Variants in HNF4G observed in about 807,000 individuals in gnomAD.
The protein encoded by HNF4G is hepatocyte nuclear factor 4-gamma.
In HNF4G, 21 loss-of-function variants were observed where a neutral mutation model predicts 50.9. That is an observed-to-expected ratio of 0.41 (90% CI 0.29 to 0.59). HNF4G has a LOEUF of 0.59. Ranked by LOEUF, HNF4G falls within the 20% of genes least tolerant of loss-of-function variation. The pLI is 0.26. For missense variants in HNF4G, 527 were observed against 559.4 expected, an observed-to-expected ratio of 0.94 and a Z score of 0.58; for synonymous variants, 198 against 185.6, an observed-to-expected ratio of 1.07 and a Z score of -0.54.
At chr8:75,504,289 CA>C (rs1160779545) in intron 2 of HNF4G, among the ~76,000 whole-genome samples, 3 of 145,358 alleles carry the variant, frequency 2.1e-5, no homozygotes, top group South Asian at 2.3e-4. Flanking sequence ...AAAACAACAA[CA>C]AAAAAAATCT....
chr8:75,563,979 T>G lies in HNF4G; in HGVS notation c.1251T>G (p.Thr417=). The change falls in exon 10 of 10, where the codon ACT becomes ACG. Residue 417 remains threonine (T), a synonymous_variant. Transcript: ENST00000396423. Reference sequence around the variant, plus strand: ...AATTCTCTGATTCTTTTTCAGCAACTCCTGAAACCCCACTCCCTTCCCCAC... The same window carrying G: ...AATTCTCTGATTCTTTTTCAGCAACGCCTGAAACCCCACTCCCTTCCCCAC... ...STLVHADQIS[T]PETPLPSPPQ... is the part of the protein sequence containing the mutation. 1 of 1,613,178 alleles carries G rather than the reference T, an allele frequency of 6.2e-7. No individual in the cohort carries two copies. The highest frequency in any genetic ancestry group is 8.5e-7 in the Non-Finnish European group (1 of 1,179,460).
At chr8:75,496,042 T>G (rs1361060266) in intron 2 of HNF4G, among the ~76,000 whole-genome samples, 1 of 152,130 alleles carries the variant, frequency 6.6e-6, no homozygotes, top group Admixed American at 6.5e-5. Context: ...ATCTAATAAT[T>G]GAATGACAAA....
intron 2 of HNF4G, among the ~76,000 whole-genome samples, chr8:75,504,338 C>A (rs890063509): frequency 2.6e-5 from 4 of 151,166 alleles, no homozygotes; most frequent in Middle Eastern, 3.4e-3. Flanking sequence ...ATATTTTTAC[C>A]TTTTATATTA....
intron 2 of HNF4G, among the ~76,000 whole-genome samples, chr8:75,494,299 AGCACACAC>A (rs1470465428): frequency 0.061 from 8,334 of 137,074 alleles, 339 homozygotes; most frequent in South Asian, 0.077. Flanking sequence ...TCTCCCATAC[AGCACACAC>A]ACACACACAC....
Position 75,558,524 on chromosome 8 carries a change from A to T in HNF4G, c.740A>T (p.Asn247Ile). ...TTTGTTTTCTCTCTCATAGGAAACA[A>T]CTATGTTATTCACCGCAACAGCTGT... ...MYKDILLLGNNYVIHRNSCEV... is the reference protein window; with the variant it reads ...MYKDILLLGNIYVIHRNSCEV... Residue 247 changes from asparagine to isoleucine, a missense_variant, in exon 7 of 10, where the codon AAC becomes ATC. Around this residue, in one of 5 missense-constraint regions of HNF4G, gnomAD observed 308 missense variants for 301.5 expected, o/e 1.02. Coordinates refer to ENST00000396423, the MANE Select transcript of HNF4G (RefSeq NM_004133.5). 6.2e-7 allele frequency: 1 copy of T among 1,609,606 alleles called. No individual in the cohort carries two copies. The highest frequency in any genetic ancestry group is 8.5e-7 in the Non-Finnish European group (1 of 1,178,796).
intron 2 of HNF4G, among the ~76,000 whole-genome samples, chr8:75,515,787 T>C (rs1805871898): frequency 6.6e-6 from 1 of 151,648 alleles, no homozygotes; most frequent in Non-Finnish European, 1.5e-5. Flanking sequence ...TTTTTTGAGA[T>C]GGAATTTCAT....
At chr8:75,411,574 C>A (rs78303525) in intron 1 of HNF4G, among the ~76,000 whole-genome samples, 1 of 152,114 alleles carries the variant, frequency 6.6e-6, no homozygotes, top group East Asian at 1.9e-4. Context: ...TCTGATGTTC[C>A]CCTGAAAACC....
chr8:75,449,545 C>G (rs1472566017), intron 1 of HNF4G, among the ~76,000 whole-genome samples: 5 of 129,474 alleles, frequency 3.9e-5, no homozygotes, highest in African/African-American at 6.1e-5. Flanking sequence ...CTCACTCTGT[C>G]GCCCAGGCTG....
intron 1 of HNF4G, among the ~76,000 whole-genome samples, chr8:75,464,736 G>T (rs555884692): frequency 6.6e-6 from 1 of 152,282 alleles, no homozygotes; most frequent in Non-Finnish European, 1.5e-5. Flanking sequence ...ACCCATGACT[G>T]CTTTCTAATT....
chr8:75,451,785 C>G (rs117270742), intron 1 of HNF4G, among the ~76,000 whole-genome samples: 2,929 of 152,266 alleles, frequency 0.019, 49 homozygotes, highest in Non-Finnish European at 0.03. Context: ...GTGATGCCTC[C>G]AGCTTTGTTG....
chr8:75,439,830 C>T (rs1811232772), intron 1 of HNF4G, among the ~76,000 whole-genome samples: 1 of 151,758 alleles, frequency 6.6e-6, no homozygotes, highest in Admixed American at 6.6e-5. Context: ...TACCTTAAAA[C>T]TGTTTTTTAG....
chr8:75,434,294 G>A (rs971751131), intron 1 of HNF4G, among the ~76,000 whole-genome samples: 8 of 152,008 alleles, frequency 5.3e-5, no homozygotes, highest in Admixed American at 5.2e-4. Context: ...GAGCCACTGC[G>A]TCTGGCCTAA....
At chr8:75,412,711 G>A (rs1475673035) in intron 1 of HNF4G, among the ~76,000 whole-genome samples, 1 of 150,404 alleles carries the variant, frequency 6.6e-6, no homozygotes, top group Admixed American at 6.6e-5. Context: ...TATGGACTGT[G>A]TTTTAGAATT....
chr8:75,545,612 T>C (rs1401769354), intron 2 of HNF4G, among the ~76,000 whole-genome samples: 4 of 152,156 alleles, frequency 2.6e-5, no homozygotes, highest in Non-Finnish European at 5.9e-5. Flanking sequence ...ATCTATTTCC[T>C]TAGATTACAA....
Position 75,558,568 on chromosome 8 carries a change from G to T in HNF4G, c.784G>T (p.Val262Leu). The change falls in exon 7 of 10, where the codon GTG (valine) becomes TTG (leucine). Residue 262 changes from valine to leucine, a missense_variant. Transcript: ENST00000396423. Reference protein sequence around the residue: ...RNSCEVEISRVANRVLDELVR... With the variant: ...RNSCEVEISRLANRVLDELVR... ...CAGCTGTGAAGTTGAGATTAGCCGT[G>T]TGGCCAATCGTGTTCTAGATGAGCT... The T allele has an allele frequency of 6.2e-7, 1 of 1,613,554 alleles. No homozygotes were observed. Among genetic ancestry groups the T allele is most frequent in the Non-Finnish European group, 8.5e-7 (1 of 1,179,492 alleles).
intron 1 of HNF4G, among the ~76,000 whole-genome samples, chr8:75,431,803 G>A (rs926613574): frequency 1.3e-5 from 2 of 151,960 alleles, no homozygotes; most frequent in African/African-American, 2.4e-5. Context: ...TCAGGCGCCT[G>A]TAATCCCAGC....
intron 2 of HNF4G, among the ~76,000 whole-genome samples, chr8:75,511,638 C>A (rs577098623): frequency 7.2e-5 from 11 of 152,366 alleles, no homozygotes; most frequent in African/African-American, 2.4e-4. Flanking sequence ...GTCGCCCAGG[C>A]TGGACTGCAG....
chr8:75,560,529 G>A lies in HNF4G; in HGVS notation c.1246+63G>A, dbSNP rs553530411. ...TAATTACCCAAGAAAAAGTGGAATT[G>A]TGGGAAAGAATCTATTAGTAACCAG... On this transcript the variant is annotated intron_variant, in intron 9 of 9. Transcript: ENST00000396423. 27 of 1,530,748 alleles carry A rather than the reference G, an allele frequency of 1.8e-5. No individual in the cohort carries two copies. In the South Asian group the frequency reaches 2.9e-4, roughly 16 times the overall value. 94.8% of individuals were successfully genotyped at this position (1,530,748 alleles called of 1,614,324 possible).
chr8:75,431,882 C>T (rs1489878445), intron 1 of HNF4G, among the ~76,000 whole-genome samples: 2 of 151,404 alleles, frequency 1.3e-5, no homozygotes, highest in Non-Finnish European at 2.9e-5. Flanking sequence ...GCCAAGATCG[C>T]ACCATTGCAC....
Sources: gnomAD v4.1 joint callset for allele counts (sites outside exome capture counted in the v4.1 genomes callset) on GRCh38, gnomAD v4.1.1 for gene constraint, gnomAD v4.1.1 regional missense constraint, MANE v1.5 for transcripts, NCBI Gene and HGNC (gene_info 2026-07-23, HGNC 2026-07-21) for gene names.